The following DHRSX variants were observed in gnomAD, a reference collection of about 807,000 sequenced individuals.
DHRSX encodes the protein dehydrogenase/reductase X-linked.
Under a neutral mutation model 34.0 loss-of-function variants are expected in DHRSX, and 31 were observed. The ratio of observed to expected loss-of-function variants is 0.91; its 90% CI spans 0.69 to 1.23. The LOEUF is 1.23. Among genes scored for constraint, DHRSX ranks in the 50% most tolerant of loss-of-function variants. DHRSX has a pLI of 0.00. For missense variants in DHRSX, 414 were observed against 428.1 expected (o/e 0.97, Z 0.29); for synonymous variants, 201 against 183.8 (o/e 1.09, Z -0.76).
At chrX:2,271,766 C>T (rs1176097241) in intron 4 of DHRSX, among the ~76,000 whole-genome samples, 5 of 152,110 alleles carry the variant, frequency 3.3e-5, no homozygotes, top group South Asian at 2.1e-4. Flanking sequence ...AAGCCCGGCC[C>T]GGTGGGTCAT....
intron 5 of DHRSX, among the ~76,000 whole-genome samples, chrX:2,255,207 C>CA (rs2041260410): frequency 6.6e-6 from 1 of 151,914 alleles, no homozygotes. Context: ...AGGTCTTTGA[C>CA]TTTTTCCGCT....
At chrX:2,293,632 C>T (rs549217641) in intron 3 of DHRSX, among the ~76,000 whole-genome samples, 34 of 152,154 alleles carry the variant, frequency 2.2e-4, no homozygotes, top group South Asian at 4.2e-4. Context: ...AGGGAGGGAG[C>T]GAGCAGAGGC....
intron 3 of DHRSX, among the ~76,000 whole-genome samples, chrX:2,402,035 A>C (rs1290362952): frequency 6.6e-6 from 1 of 152,204 alleles, no homozygotes; most frequent in East Asian, 1.9e-4. Context: ...CGCAGGCCAG[A>C]GTATTAACCC....
At chrX:2,410,491 G>A (rs1444824379) in intron 2 of DHRSX, among the ~76,000 whole-genome samples, 1 of 152,138 alleles carries the variant, frequency 6.6e-6, no homozygotes, top group African/African-American at 2.4e-5. Flanking sequence ...CACCGTCCCC[G>A]GGTCTCCATG....
At chrX:2,292,927 TAAAAG>T (rs1178250074) in intron 3 of DHRSX, among the ~76,000 whole-genome samples, 3 of 152,164 alleles carry the variant, frequency 2.0e-5, no homozygotes, top group Non-Finnish European at 4.4e-5. Context: ...AGAAGAATAA[TAAAAG>T]AAAGCATTTT....
intron 3 of DHRSX, among the ~76,000 whole-genome samples, chrX:2,329,146 T>C (rs995565485): frequency 6.6e-6 from 1 of 152,182 alleles, no homozygotes; most frequent in Non-Finnish European, 1.5e-5. Context: ...AAACCTCATG[T>C]TGATGCCTGG....
At position 2,415,011 on chromosome X, in the gene DHRSX, T is replaced by G. The variant is rs191610910; in HGVS notation, c.218-6198A>C. 1.1e-3 allele frequency among the ~76,000 whole-genome samples: 166 copies of G among 151,614 alleles called. 1 individual carries two copies. Among genetic ancestry groups the G allele is most frequent in the African/African-American group, 3.8e-3 (158 of 41,316 alleles). ...TCATCACGACCTACCCAACTAGAAC[T>G]CATCACGACCTAACTAGATCACATC... is the stretch of plus-strand genomic sequence containing the variant. On this transcript the variant is annotated intron_variant, in intron 2 of 6. Coordinates refer to ENST00000334651, the MANE Select transcript of DHRSX (RefSeq NM_145177.3).
At position 2,431,326 on chromosome X, in the gene DHRSX, CA is replaced by C. The variant is rs748686139; in HGVS notation, c.110-6023del. Among the ~76,000 whole-genome samples the C allele has an allele frequency of 2.4e-3, 302 of 124,168 alleles. 1 individual carries two copies. Among genetic ancestry groups the C allele is most frequent in the Non-Finnish European group, 2.6e-3 (154 of 59,006 alleles). The allele number at this position is 124,168 out of a possible 152,430, so 81.5% of individuals were successfully genotyped here. On this transcript the variant is annotated intron_variant, in intron 1 of 6. Transcript: ENST00000334651. ...GGCGACAGAGCTAGACTCCATCTCA[CA>C]AAAAAAAAAAAAAAGACAAAAAAAA...
intron 3 of DHRSX, among the ~76,000 whole-genome samples, chrX:2,388,155 A>G (rs2043293898): frequency 1.3e-5 from 2 of 152,014 alleles, no homozygotes; most frequent in Non-Finnish European, 2.9e-5. Context: ...AGCCATTGGG[A>G]GGCATGGAGG....
intron 1 of DHRSX, among the ~76,000 whole-genome samples, chrX:2,453,326 G>C (rs919430490): frequency 4.0e-5 from 6 of 151,576 alleles, no homozygotes; most frequent in Admixed American, 1.3e-4. Flanking sequence ...TTGAGGCCAG[G>C]AGTTTGAGAT....
chrX:2,223,493 G>A (rs774818176), intron 6 of DHRSX, among the ~76,000 whole-genome samples: 12 of 152,104 alleles, frequency 7.9e-5, no homozygotes, highest in African/African-American at 1.9e-4. Context: ...TCTCGGGGGC[G>A]GATGCAGGCG....
chrX:2,339,580 A>G (rs1260109517), intron 3 of DHRSX, among the ~76,000 whole-genome samples: 1 of 152,006 alleles, frequency 6.6e-6, no homozygotes, highest in Admixed American at 6.6e-5. Flanking sequence ...CCATTGTATC[A>G]TTCTCATGCC....
chrX:2,343,714 A>AC (rs1357624648), intron 3 of DHRSX, among the ~76,000 whole-genome samples: 4 of 152,148 alleles, frequency 2.6e-5, no homozygotes, highest in Admixed American at 6.6e-5. Flanking sequence ...AGGCCAGGAG[A>AC]CTTTTTTTTG....
chrX:2,266,779 T>C lies in DHRSX; in HGVS notation c.557A>G (p.His186Arg), dbSNP rs2041480735. 6.2e-7 allele frequency: 1 copy of C among 1,613,896 alleles called. No individual in the cohort carries two copies. The stretch of plus-strand genomic sequence containing the variant: ...ATCCATGTTCAGCTCAGCGACGTAA[T>C]GGGTGGCAGAGGAGACGGTGACCAC... ...ARVVTVSSAT[H>R]YVAELNMDDL... The change falls in exon 5 of 7, where the codon CAT becomes CGT. Residue 186 changes from histidine (H) to arginine (R), a missense_variant. Transcript: ENST00000334651.
chrX:2,392,926 A>C (rs1413483926), intron 3 of DHRSX, among the ~76,000 whole-genome samples: 2 of 142,512 alleles, frequency 1.4e-5, no homozygotes, highest in African/African-American at 2.5e-5. Flanking sequence ...TAAATATATA[A>C]ATAAAATATA....
chrX:2,345,931 C>T (rs190273893), intron 3 of DHRSX, among the ~76,000 whole-genome samples: 4,368 of 152,228 alleles, frequency 0.029, 201 homozygotes, highest in African/African-American at 0.098. Context: ...AATAAATGTG[C>T]TTTCTATCAG....
intron 5 of DHRSX, among the ~76,000 whole-genome samples, chrX:2,247,850 C>T (rs1791520114): frequency 6.6e-6 from 1 of 152,076 alleles, no homozygotes; most frequent in Non-Finnish European, 1.5e-5. Flanking sequence ...GTCTCTCAGA[C>T]CCATTTCGCC....
intron 1 of DHRSX, among the ~76,000 whole-genome samples, chrX:2,493,978 A>G (rs2045222335): frequency 7.7e-6 from 1 of 130,590 alleles, no homozygotes; most frequent in Non-Finnish European, 1.6e-5. Context: ...GTCTCAAAGA[A>G]AGAAGAAAAC....
chrX:2,326,829 C>G (rs1361416066), intron 3 of DHRSX, among the ~76,000 whole-genome samples: 1 of 148,518 alleles, frequency 6.7e-6, no homozygotes, highest in East Asian at 2.0e-4. Flanking sequence ...TTTTTCTTTC[C>G]AGGCAGATTT....
Sources: gnomAD v4.1 joint callset for allele counts (sites outside exome capture counted in the v4.1 genomes callset) on GRCh38, gnomAD v4.1.1 for gene constraint, MANE v1.5 for transcripts, NCBI Gene and HGNC (gene_info 2026-07-23, HGNC 2026-07-21) for gene names.